Variants in SNX29 observed in about 807,000 individuals in gnomAD.
SNX29 encodes the protein sorting nexin-29.
In SNX29, 78 loss-of-function variants were observed where a neutral mutation model predicts 102.1. The observed-to-expected ratio is 0.76, with a 90% CI of 0.64 to 0.92. The LOEUF (loss-of-function observed/expected upper bound fraction) is 0.92, where lower values mean the gene tolerates loss of function less well. SNX29 is among the 40% of genes least tolerant of loss of function. SNX29 has a pLI of 0.00. For missense variants in SNX29, 1,280 were observed against 1,061.7 expected, an observed-to-expected ratio of 1.21 and a Z score of -2.86; for synonymous variants, 580 against 414.5, an observed-to-expected ratio of 1.40 and a Z score of -4.85.
chr16:12,172,216 T>C (rs78011760), intron 13 of SNX29, among the ~76,000 whole-genome samples: 1 of 152,264 alleles, frequency 6.6e-6, no homozygotes, highest in Non-Finnish European at 1.5e-5. Context: ...AGGCCACGTA[T>C]GTTTCTGAAA....
At chr16:12,567,503 G>T (rs915175141) in intron 20 of SNX29, among the ~76,000 whole-genome samples, 4 of 152,136 alleles carry the variant, frequency 2.6e-5, no homozygotes, top group Non-Finnish European at 5.9e-5. Context: ...ATTAAGGATT[G>T]GCCAGGCACA....
chr16:12,113,474 G>C (rs183613635), intron 11 of SNX29, among the ~76,000 whole-genome samples: 2 of 152,228 alleles, frequency 1.3e-5, no homozygotes, highest in East Asian at 3.9e-4. Flanking sequence ...ATTCACTCCG[G>C]GTGTGAGATC....
chr16:12,536,236 T>G (rs567287639), intron 20 of SNX29, among the ~76,000 whole-genome samples: 3 of 152,262 alleles, frequency 2.0e-5, no homozygotes, highest in Non-Finnish European at 4.4e-5. Flanking sequence ...TCATGTTTTT[T>G]TCTTTTTTAT....
intron 20 of SNX29, among the ~76,000 whole-genome samples, chr16:12,541,060 C>G (rs566176689): frequency 2.2e-4 from 34 of 152,144 alleles, no homozygotes; most frequent in Non-Finnish European, 4.0e-4. Flanking sequence ...TATTTAGTTT[C>G]CTGAGTTATT....
intron 19 of SNX29, among the ~76,000 whole-genome samples, chr16:12,510,029 C>T (rs940046355): frequency 1.8e-4 from 28 of 152,344 alleles, no homozygotes; most frequent in African/African-American, 5.8e-4. Context: ...TGGCTTGGTT[C>T]GCCCAGTGCC....
chr16:12,120,363 A>G (rs550763587), intron 11 of SNX29, among the ~76,000 whole-genome samples: 13 of 152,354 alleles, frequency 8.5e-5, no homozygotes, highest in East Asian at 1.9e-4. Flanking sequence ...AAAAGATGCT[A>G]TATAAAGCCA....
intron 13 of SNX29, among the ~76,000 whole-genome samples, chr16:12,198,837 G>A (rs148670405): frequency 1.3e-5 from 2 of 152,326 alleles, no homozygotes; most frequent in Admixed American, 6.5e-5. Flanking sequence ...GCTGAATGAC[G>A]GATGGATGAA....
At chr16:12,495,964 C>A (rs919771469) in intron 19 of SNX29, among the ~76,000 whole-genome samples, 1 of 152,122 alleles carries the variant, frequency 6.6e-6, no homozygotes, top group African/African-American at 2.4e-5. Flanking sequence ...AGTAGAATCT[C>A]ATGAACTCAG....
intron 20 of SNX29, among the ~76,000 whole-genome samples, chr16:12,567,109 G>GC (rs2079043559): frequency 6.6e-6 from 1 of 152,232 alleles, no homozygotes; most frequent in Non-Finnish European, 1.5e-5. Flanking sequence ...CTTTATGAAT[G>GC]CAAGTCTCTT....
intron 13 of SNX29, among the ~76,000 whole-genome samples, chr16:12,130,941 A>G (rs2054439140): frequency 6.6e-6 from 1 of 152,040 alleles, no homozygotes; most frequent in Non-Finnish European, 1.5e-5. Flanking sequence ...TTTTGCTGCT[A>G]CTAATAATGC....
rs149625434 is a variant in SNX29 at position 12,550,276 on chromosome 16, C to T, written c.2319-18230C>T. Among the ~76,000 whole-genome samples, 728 of 151,850 alleles carry T rather than the reference C, an allele frequency of 4.8e-3. 9 individuals are homozygous for T. The highest frequency in any genetic ancestry group is 0.017 in the African/African-American group (679 of 41,132). ...TATGGGCCAGACACAGAGGCTTATACCTGTAATCCCAGTACTGTGGGAGGC... is the reference window on the plus strand; with the variant it reads ...TATGGGCCAGACACAGAGGCTTATATCTGTAATCCCAGTACTGTGGGAGGC... On this transcript the variant is annotated intron_variant, in intron 20 of 20. Transcript: ENST00000566228.
At chr16:12,285,525 A>C (rs764423505) in intron 15 of SNX29, among the ~76,000 whole-genome samples, 2 of 152,240 alleles carry the variant, frequency 1.3e-5, no homozygotes, top group Non-Finnish European at 2.9e-5. Context: ...ATGGAAAAGT[A>C]AGCTTGAACA....
At chr16:12,549,990 AG>A (rs956706923) in intron 20 of SNX29, among the ~76,000 whole-genome samples, 5 of 152,252 alleles carry the variant, frequency 3.3e-5, no homozygotes, top group African/African-American at 1.2e-4. Context: ...CTTCATGTAT[AG>A]CTTCTTATTA....
At chr16:12,537,572 C>CTT (rs958564414) in intron 20 of SNX29, among the ~76,000 whole-genome samples, 12 of 152,274 alleles carry the variant, frequency 7.9e-5, no homozygotes, top group African/African-American at 2.9e-4. Context: ...GCAATTTTGA[C>CTT]TTTGTTTTTA....
chr16:12,292,488 C>T (rs942490737), intron 15 of SNX29, among the ~76,000 whole-genome samples: 4 of 152,282 alleles, frequency 2.6e-5, no homozygotes, highest in African/African-American at 7.2e-5. Flanking sequence ...TAGGAATTTC[C>T]TCTTAAGTCC....
chr16:12,066,032 G>A (rs1330260146), intron 9 of SNX29, among the ~76,000 whole-genome samples: 1 of 152,164 alleles, frequency 6.6e-6, no homozygotes, highest in African/African-American at 2.4e-5. Flanking sequence ...AGCCATTCGC[G>A]GTTGTGCATC....
chr16:12,161,413 G>A (rs1371892831), intron 13 of SNX29, among the ~76,000 whole-genome samples: 1 of 152,168 alleles, frequency 6.6e-6, no homozygotes, highest in Non-Finnish European at 1.5e-5. Flanking sequence ...GGCTGGGGCA[G>A]TTACTCTCTC....
intron 19 of SNX29, among the ~76,000 whole-genome samples, chr16:12,496,269 T>C (rs534261285): frequency 1.3e-5 from 2 of 152,320 alleles, no homozygotes; most frequent in African/African-American, 4.8e-5. Flanking sequence ...ACAGGTCACA[T>C]TCCACCCAAG....
intron 13 of SNX29, among the ~76,000 whole-genome samples, chr16:12,181,956 T>C (rs898037583): frequency 7.2e-5 from 11 of 151,764 alleles, no homozygotes; most frequent in African/African-American, 2.7e-4. Flanking sequence ...CGATCTCAGC[T>C]CAATGCAACC....
Sources: gnomAD v4.1 joint callset for allele counts (sites outside exome capture counted in the v4.1 genomes callset) on GRCh38, gnomAD v4.1.1 for gene constraint, MANE v1.5 for transcripts, NCBI Gene and HGNC (gene_info 2026-07-23, HGNC 2026-07-21) for gene names.